The following LRP2 variants were observed in gnomAD, a reference collection of about 807,000 sequenced individuals.
The protein encoded by LRP2 is LDL receptor related protein 2.
A neutral mutation model predicts 531.0 loss-of-function variants in LRP2; 172 were observed. That is an observed-to-expected ratio of 0.32 (90% CI 0.29 to 0.37). LRP2 has a LOEUF of 0.37. Among genes scored for constraint, LRP2 ranks in the 10% least tolerant of loss-of-function variants. The pLI is 1.00. For missense variants in LRP2, 5,167 were observed against 5,868.3 expected, an observed-to-expected ratio of 0.88 and a Z score of 3.90; for synonymous variants, 1,992 against 2,027.6, an observed-to-expected ratio of 0.98 and a Z score of 0.47.
chr2:169,163,409 G>A (rs1300933164), intron 62 of LRP2, among the ~76,000 whole-genome samples: 2 of 152,170 alleles, frequency 1.3e-5, no homozygotes, highest in Non-Finnish European at 1.5e-5. Flanking sequence ...ATCCCAAACA[G>A]TAAAAGTCTG....
intron 58 of LRP2, 152 bp from the exon 59 acceptor site, chr2:169,170,819 C>A: frequency 1.5e-6 from 1 of 685,144 alleles, no homozygotes; most frequent in South Asian, 1.6e-5. Flanking sequence ...CCCTCCAAAA[C>A]TAGACCTTTC....
At chr2:169,333,678 A>T (rs553571683) in intron 1 of LRP2, among the ~76,000 whole-genome samples, 2 of 152,298 alleles carry the variant, frequency 1.3e-5, no homozygotes, top group Admixed American at 6.5e-5. Flanking sequence ...GTAAATCTGT[A>T]AAGAAGGACC....
chr2:169,225,336 T>C lies in LRP2; in HGVS notation c.5512A>G (p.Thr1838Ala). Residue 1838 changes from threonine (T) to alanine (A), a missense_variant, in exon 33 of 79, where the codon ACC becomes GCC. Thr to Ala is a moderately conservative substitution (Grantham distance 58, BLOSUM62 0). Transcript: ENST00000649046. ...TCGATTGACTGAGTTCTAGGATTGG[T>C]AGAATAAAGGTTTCTTGAAATCCAA... is the stretch of plus-strand genomic sequence containing the variant. ...LDWISRNLYS[T>A]NPRTQSIEVL... 1 of 1,613,954 alleles carries C rather than the reference T, an allele frequency of 6.2e-7. No homozygotes were observed. Among genetic ancestry groups the C allele is most frequent in the South Asian group, 1.1e-5 (1 of 91,080 alleles).
In LRP2 at chr2:169,226,511, C is replaced by A. The variant is rs776272091; in HGVS notation, c.5305G>T (p.Asp1769Tyr). 6.2e-7 allele frequency: 1 copy of A among 1,608,464 alleles called. No individual in the cohort carries two copies. ...ATCCCTGCTATGGGGACCATAGCAT[C>A]ATTGCTCTTCACCTCAGGATTAAGG... ...ISLNPEVKSN[D>Y]AMVPIAGIQN... The change falls in exon 32 of 79, where the codon GAT (aspartate) becomes TAT (tyrosine). Residue 1769 changes from aspartate (D) to tyrosine (Y), a missense_variant. By Grantham distance (160) the Asp-to-Tyr change is radical (BLOSUM62 -3). Coordinates refer to ENST00000649046, the MANE Select transcript of LRP2 (RefSeq NM_004525.3).
chr2:169,348,393 G>A (rs1685753621), intron 1 of LRP2, among the ~76,000 whole-genome samples: 1 of 152,076 alleles, frequency 6.6e-6, no homozygotes, highest in African/African-American at 2.4e-5. Flanking sequence ...CTTCGTCTGT[G>A]CCCATTTTTC....
intron 33 of LRP2, among the ~76,000 whole-genome samples, 178 bp downstream of exon 33, chr2:169,225,132 A>T (rs1481033059): frequency 6.6e-6 from 1 of 152,040 alleles, no homozygotes; most frequent in Non-Finnish European, 1.5e-5. Flanking sequence ...TTTAAAAAAA[A>T]TTTTAAGGTG....
At chr2:169,337,937 T>A (rs1432807423) in intron 1 of LRP2, among the ~76,000 whole-genome samples, 1 of 152,012 alleles carries the variant, frequency 6.6e-6, no homozygotes, top group African/African-American at 2.4e-5. Flanking sequence ...TGAGAGCCAG[T>A]ATCTACAAAA....
At position 169,206,573 on chromosome 2, in the gene LRP2, C is replaced by T; in HGVS notation, c.7147G>A (p.Ala2383Thr). The T allele has an allele frequency of 6.2e-7, 1 of 1,614,126 alleles. No individual in the cohort carries two copies. The highest frequency in any genetic ancestry group is 8.5e-7 in the Non-Finnish European group (1 of 1,180,018). The part of the protein sequence containing the change: ...GTLQSDGKNC[A>T]ISTENFLIFA... ...ATGAGGAAATTTTCTGTTGAAATGG[C>T]ACAATTCTTGCCATCACTTTGCAGG... Residue 2383 changes from alanine to threonine, a missense_variant, in exon 39 of 79, where the codon GCC (alanine) becomes ACC (threonine). By Grantham distance (58) the Ala-to-Thr change is moderately conservative. Transcript: ENST00000649046.
At chr2:169,247,122 A>G in intron 20 of LRP2, 136 bp from the exon 21 acceptor site, 2 of 1,101,456 alleles carry the variant, frequency 1.8e-6, no homozygotes, top group Non-Finnish European at 2.6e-6. Context: ...CCTCTTGGAA[A>G]TCAACCCGCC....
intron 15 of LRP2, 66 bp downstream of exon 15, chr2:169,272,861 A>G: frequency 6.3e-7 from 1 of 1,597,676 alleles, no homozygotes; most frequent in East Asian, 2.2e-5. Flanking sequence ...CAGTTAGTCT[A>G]GTTAGAGGTT....
intron 4 of LRP2, among the ~76,000 whole-genome samples, chr2:169,298,137 C>A (rs2105477351): frequency 6.6e-6 from 1 of 152,124 alleles, no homozygotes; most frequent in South Asian, 2.1e-4. Flanking sequence ...CAGAAAGAAT[C>A]TACCAGTTTG....
chr2:169,157,917 GAAAT>G (rs71397691), intron 63 of LRP2, among the ~76,000 whole-genome samples: 11,387 of 130,670 alleles, frequency 0.087, 560 homozygotes, highest in African/African-American at 0.15. Context: ...ATAACAGATA[GAAAT>G]AAATAAATAA....
At chr2:169,157,737 CA>C (rs962026115) in intron 63 of LRP2, among the ~76,000 whole-genome samples, 18 of 152,044 alleles carry the variant, frequency 1.2e-4, no homozygotes, top group African/African-American at 4.3e-4. Context: ...GCAATTTTCA[CA>C]TTATATGCAG....
At chr2:169,358,756 G>A (rs1253895077) in intron 1 of LRP2, among the ~76,000 whole-genome samples, 1 of 152,174 alleles carries the variant, frequency 6.6e-6, no homozygotes, top group Non-Finnish European at 1.5e-5. Context: ...ACTTTGGGAA[G>A]CAGAGGTAGG....
At chr2:169,328,318 C>T (rs1416506783) in intron 1 of LRP2, among the ~76,000 whole-genome samples, 2 of 145,100 alleles carry the variant, frequency 1.4e-5, no homozygotes, top group Middle Eastern at 3.4e-3. Context: ...GGCCAGACGC[C>T]CCGTCCGGGA....
In LRP2 at chr2:169,294,620, G is replaced by T. The variant is rs778852469; in HGVS notation, c.518C>A (p.Ser173Tyr). The change falls in exon 5 of 79, where the codon TCC (serine) becomes TAC (tyrosine). Residue 173 changes from serine (S) to tyrosine (Y), a missense_variant. This residue lies in a region of LRP2 where 2,811 missense variants were observed against 3,058.0 expected (regional missense o/e 0.92). Coordinates refer to ENST00000649046, the MANE Select transcript of LRP2 (RefSeq NM_004525.3). Reference sequence around the variant, plus strand: ...CTTACTGCAGTTGATTTCATCTGAGGAGTCCCTGCAATCAACTTTCCAATC... The same window carrying T: ...CTTACTGCAGTTGATTTCATCTGAGTAGTCCCTGCAATCAACTTTCCAATC... ...KCDWKVDCRD[S>Y]SDEINCTEIC... 2 of 1,611,028 alleles carry T rather than the reference G, an allele frequency of 1.2e-6. No homozygotes were observed. Among genetic ancestry groups the T allele is most frequent in the South Asian group, 1.1e-5 (1 of 90,980 alleles).
chr2:169,201,651 T>C lies in LRP2; in HGVS notation c.8429A>G (p.Asn2810Ser). 5 of 1,614,182 alleles carry C rather than the reference T, an allele frequency of 3.1e-6. No homozygotes were observed. The highest frequency in any genetic ancestry group is 3.4e-6 in the Non-Finnish European group (4 of 1,180,026). ...ACGGCAATTTTTCTCATCTGAAGTGTTATTATCATGGCAGTTGTCTACACC... is the reference window on the plus strand; with the variant it reads ...ACGGCAATTTTTCTCATCTGAAGTGCTATTATCATGGCAGTTGTCTACACC... Reference protein sequence around the residue: ...CNGVDNCHDNNTSDEKNCPDR... With the variant: ...CNGVDNCHDNSTSDEKNCPDR... The change falls in exon 44 of 79, where the codon AAC becomes AGC. Residue 2810 changes from asparagine (N) to serine (S), a missense_variant. Transcript: ENST00000649046.
At chr2:169,238,705 T>A (rs1559034234) in intron 26 of LRP2, among the ~76,000 whole-genome samples, 1 of 152,120 alleles carries the variant, frequency 6.6e-6, no homozygotes, top group Non-Finnish European at 1.5e-5. Flanking sequence ...GGCCCTCAGC[T>A]ATGGTAGAGA....
At chr2:169,352,529 G>A (rs779249214) in intron 1 of LRP2, among the ~76,000 whole-genome samples, 5 of 152,220 alleles carry the variant, frequency 3.3e-5, no homozygotes, top group Admixed American at 1.3e-4. Context: ...TAGATCACAC[G>A]TTCCCAAAAA....
Sources: allele counts gnomAD v4.1 joint callset (sites outside exome capture counted in the v4.1 genomes callset), GRCh38; gene constraint gnomAD v4.1.1; regional missense constraint gnomAD v4.1.1; transcripts MANE v1.5; gene names NCBI Gene and HGNC (gene_info 2026-07-23, HGNC 2026-07-21).